Variants in MTOR observed in about 807,000 individuals in gnomAD.
MTOR encodes the protein serine/threonine-protein kinase mTOR.
A neutral mutation model predicts 319.8 loss-of-function variants in MTOR; 70 were observed. The ratio of observed to expected loss-of-function variants is 0.22; its 90% CI spans 0.18 to 0.27. The LOEUF is 0.27. MTOR is among the 10% of genes least tolerant of loss of function. The pLI, the probability that MTOR is intolerant of heterozygous loss-of-function variation, is 1.00. For synonymous variants in MTOR, 1,183 were observed against 1,211.4 expected (o/e 0.98, Z 0.49); for missense variants, 1,890 against 3,274.4 (o/e 0.58, Z 10.32).
At chr1:11,172,438 T>C (rs1425170997) in intron 28 of MTOR, among the ~76,000 whole-genome samples, 2 of 148,210 alleles carry the variant, frequency 1.3e-5, no homozygotes, top group Admixed American at 6.8e-5. Context: ...GGCGCCTGTA[T>C]AGTCCTAGCT....
Position 11,173,482 on chromosome 1 carries a change from C to G in MTOR, c.4254-5965G>C, listed in dbSNP as rs556052025. 3.4e-4 allele frequency among the ~76,000 whole-genome samples: 51 copies of G among 151,956 alleles called. No homozygotes were observed. The South Asian group carries it at 8.5e-3, about 25-fold the overall frequency. ...ATTTTTAGTAGAAATGAAGTTTTGCCGTGTTGCCCAGGCTGGTCTCGAACT... is the reference window on the plus strand; with the variant it reads ...ATTTTTAGTAGAAATGAAGTTTTGCGGTGTTGCCCAGGCTGGTCTCGAACT... On this transcript the variant is annotated intron_variant, in intron 28 of 57. Coordinates refer to ENST00000361445, the MANE Select transcript of MTOR (RefSeq NM_004958.4).
intron 28 of MTOR, among the ~76,000 whole-genome samples, chr1:11,180,667 G>GA (rs967272921): frequency 2.0e-5 from 3 of 152,128 alleles, no homozygotes; most frequent in African/African-American, 7.2e-5. Flanking sequence ...AGCTAAGGGT[G>GA]ATTTACTGAA....
chr1:11,128,244 A>G lies in MTOR; in HGVS notation c.5911-118T>C, dbSNP rs1642943779. The G allele has an allele frequency of 7.0e-7, 1 of 1,438,806 alleles. No homozygotes were observed. Among genetic ancestry groups the G allele is most frequent in the East Asian group, 2.3e-5 (1 of 43,822 alleles). The allele number at this position is 1,438,806 out of a possible 1,614,324, so 89.1% of individuals were successfully genotyped here. ...AGTGTGACATTAACATCTGCTTGAG[A>G]CTACCAGGAAGGGGCTCAGTCTTCG... On this transcript the variant is annotated intron_variant, in intron 42 of 57. Transcript: ENST00000361445. The surrounding 1 kb of genome is among the most constrained non-coding windows in gnomAD (Gnocchi z 5.3).
chr1:11,251,655 CTTT>C (rs761523542), intron 6 of MTOR, among the ~76,000 whole-genome samples: 13 of 113,686 alleles, frequency 1.1e-4, no homozygotes, highest in East Asian at 2.5e-4. Context: ...TAGATAGTTT[CTTT>C]TTTTTTTTTT....
intron 47 of MTOR, among the ~76,000 whole-genome samples, chr1:11,122,462 A>G (rs1642585987): frequency 1.3e-5 from 2 of 150,142 alleles, no homozygotes; most frequent in African/African-American, 4.9e-5. Context: ...CGGCCTCCCA[A>G]AGTGCTGGAT....
At chr1:11,144,036 A>G (rs1014091887) in intron 34 of MTOR, 5 of 152,210 alleles carry the variant, frequency 3.3e-5, no homozygotes, top group African/African-American at 1.2e-4. Context: ...TCTTCTCTAC[A>G]AGCGGAAACT....
intron 9 of MTOR, among the ~76,000 whole-genome samples, chr1:11,242,692 C>T (rs1052637074): frequency 3.9e-5 from 6 of 152,230 alleles, no homozygotes; most frequent in Admixed American, 6.5e-5. Context: ...ATATTTTATT[C>T]GCCAGGAGGT....
Position 11,129,993 on chromosome 1 carries a change from T to A in MTOR, c.5614-155A>T, listed in dbSNP as rs1342970487. ...AAATCTTTAATCATTACCTGGCACA[T>A]AGCAAAGACTCAATAAATGGCAACT... On this transcript the variant is annotated intron_variant, in intron 39 of 57. Transcript: ENST00000361445. This position sits in a 1 kb window ranked among gnomAD's most constrained non-coding sequence, Gnocchi z 4.7. 1.3e-5 allele frequency among the ~76,000 whole-genome samples: 2 copies of A among 152,236 alleles called. No individual in the cohort carries two copies. Among genetic ancestry groups the A allele is most frequent in the Non-Finnish European group, 2.9e-5 (2 of 68,038 alleles).
chr1:11,137,785 C>CA (rs1643498913), intron 36 of MTOR, among the ~76,000 whole-genome samples: 1 of 152,180 alleles, frequency 6.6e-6, no homozygotes, highest in African/African-American at 2.4e-5. Context: ...TACATATACC[C>CA]ATAGCCTGAT....
chr1:11,246,358 T>C (rs1648819146), intron 8 of MTOR, among the ~76,000 whole-genome samples: 1 of 152,192 alleles, frequency 6.6e-6, no homozygotes, highest in South Asian at 2.1e-4. Flanking sequence ...ACCACAGACT[T>C]TCAATCCAAG....
intron 54 of MTOR, among the ~76,000 whole-genome samples, chr1:11,111,329 A>C (rs1451264066): frequency 6.6e-6 from 1 of 151,916 alleles, no homozygotes; most frequent in Non-Finnish European, 1.5e-5. Context: ...AAATTCAAAA[A>C]AATTAGCTGA....
chr1:11,174,347 G>A (rs538530712), intron 28 of MTOR, among the ~76,000 whole-genome samples: 1 of 152,268 alleles, frequency 6.6e-6, no homozygotes, highest in African/African-American at 2.4e-5. Flanking sequence ...GGAGAAGGGA[G>A]CCCTCCTGTG....
chr1:11,109,706 C>T lies in MTOR; in HGVS notation c.7390G>A (p.Gly2464Arg). The T allele has an allele frequency of 1.9e-6, 3 of 1,614,140 alleles. No individual in the cohort carries two copies. The highest frequency in any genetic ancestry group is 2.5e-6 in the Non-Finnish European group (3 of 1,180,016). The change falls in exon 55 of 58, where the codon GGA becomes AGA. Residue 2464 changes from glycine (G) to arginine (R), a missense_variant. Around this residue, in one of 15 missense-constraint regions of MTOR, gnomAD observed 49 missense variants for 67.6 expected, o/e 0.72. Transcript: ENST00000361445. This position sits in a 1 kb window ranked among gnomAD's most constrained non-coding sequence, Gnocchi z 4.0. ...SVEILDGVELGEPAHKKTGTT... is the reference protein window; with the variant it reads ...SVEILDGVELREPAHKKTGTT... ...CCCGTTTTCTTATGGGCTGGCTCTC[C>T]AAGTTCCACACCGTCCAAAATTTCT...
intron 30 of MTOR, among the ~76,000 whole-genome samples, chr1:11,156,187 G>A (rs1026613449): frequency 4.6e-5 from 7 of 151,938 alleles, no homozygotes; most frequent in Admixed American, 2.6e-4. Context: ...ACGAGGTTTC[G>A]CCATGTTGGC....
chr1:11,248,080 T>C lies in MTOR; in HGVS notation c.855A>G (p.Glu285=). ...GCTGCTGCTGTGTGATTTCTTCCAT[T>C]TCTTCTCTCAGACGCTATATATATG... ...SSMEGERLRE[E]MEEITQQQLV... The change falls in exon 7 of 58, where the codon GAA becomes GAG. Residue 285 remains glutamate (E), a synonymous_variant. Transcript: ENST00000361445. The C allele has an allele frequency of 6.2e-7, 1 of 1,608,462 alleles. No homozygotes were observed.
At chr1:11,180,759 C>T (rs957137654) in intron 28 of MTOR, among the ~76,000 whole-genome samples, 1 of 151,524 alleles carries the variant, frequency 6.6e-6, no homozygotes, top group Non-Finnish European at 1.5e-5. Flanking sequence ...ATGGGGACTA[C>T]AGCTGCCCAG....
At position 11,240,472 on chromosome 1, in the gene MTOR, T is replaced by C. The variant is rs748176304; in HGVS notation, c.1617A>G (p.Leu539=). Residue 539 remains leucine (L), a synonymous_variant, in exon 11 of 58, where the codon CTA becomes CTG. Coordinates refer to ENST00000361445, the MANE Select transcript of MTOR (RefSeq NM_004958.4). ...TAAGGACCAGGGACAGCATTTTCAG[T>C]AGCCCATCTTGAATGTCCTTCTTTA... is the stretch of plus-strand genomic sequence containing the variant. ...PQLKKDIQDG[L]LKMLSLVLMH... The C allele has an allele frequency of 1.2e-6, 2 of 1,614,236 alleles. No individual in the cohort carries two copies. The highest frequency in any genetic ancestry group is 2.2e-5 in the South Asian group (2 of 91,086).
In MTOR at chr1:11,109,636, A is replaced by G. The variant is rs772382425; in HGVS notation, c.7447+13T>C. The G allele has an allele frequency of 1.9e-6, 3 of 1,613,064 alleles. No homozygotes were observed. The South Asian group carries it at 3.3e-5, about 18-fold the overall frequency. ...GCTAGTCACTGGTGCGGTTCCTCAG[A>G]GGCTGAACTTACTGAAAGAATGAAT... On this transcript the variant is annotated intron_variant, in intron 55 of 57. Coordinates refer to ENST00000361445, the MANE Select transcript of MTOR (RefSeq NM_004958.4). The surrounding 1 kb of genome is among the most constrained non-coding windows in gnomAD (Gnocchi z 4.0).
chr1:11,262,104 T>A (rs1176322351), intron 1 of MTOR, among the ~76,000 whole-genome samples: 2 of 152,124 alleles, frequency 1.3e-5, no homozygotes, highest in Non-Finnish European at 2.9e-5. Flanking sequence ...ACGCTAGTGT[T>A]CCCTGGGGCA....
Sources: allele counts gnomAD v4.1 joint callset (sites outside exome capture counted in the v4.1 genomes callset), GRCh38; gene constraint gnomAD v4.1.1; regional missense constraint gnomAD v4.1.1; non-coding constraint Gnocchi (gnomAD v3.1); transcripts MANE v1.5; gene names NCBI Gene and HGNC (gene_info 2026-07-23, HGNC 2026-07-21).